The following NFASC variants were observed in gnomAD, a reference collection of about 807,000 sequenced individuals.
NFASC encodes the protein neurofascin, also known as neurofascin homolog.
Under a neutral mutation model 147.5 loss-of-function variants are expected in NFASC, and 43 were observed. The observed-to-expected ratio is 0.29, with a 90% CI of 0.23 to 0.38. The LOEUF (loss-of-function observed/expected upper bound fraction) is 0.38, where lower values mean the gene tolerates loss of function less well. NFASC is among the 10% of genes least tolerant of loss of function. NFASC has a pLI of 1.00. For synonymous variants in NFASC, 622 were observed against 665.5 expected (o/e 0.93, Z 1.01); for missense variants, 1,320 against 1,689.0 (o/e 0.78, Z 3.83).
In NFASC at chr1:204,855,348, G is replaced by A. The variant is rs116390253; in HGVS notation, c.-200+26566G>A. Among the ~76,000 whole-genome samples the A allele has an allele frequency of 8.6e-3, 1,317 of 152,342 alleles. 10 individuals are homozygous for A. The highest frequency in any genetic ancestry group is 0.013 in the Non-Finnish European group (894 of 68,036). ...AGCAATGGGATTGAGAAGGAGAAAG[G>A]CCACTGTTGACTGGAGTCATTGGGG... On this transcript the variant is annotated intron_variant, in intron 1 of 29. Coordinates refer to ENST00000339876, the MANE Select transcript of NFASC (RefSeq NM_001005388.3).
At chr1:204,870,802 G>T (rs978864494) in intron 1 of NFASC, 39 of 1,174,080 alleles carry the variant, frequency 3.3e-5, no homozygotes, top group Non-Finnish European at 4.0e-5. Context: ...TTTATGCCAC[G>T]GAGGGCTGGG....
rs1354982589 is a variant in NFASC at position 204,975,308 on chromosome 1, G to T, written c.1596G>T (p.Val532=). ...TCTACCGGATGCCCGAGGACCAGGT[G>T]GCCAGAAGGGGCACCACGGTGCAGC... ...TRIYRMPEDQ[V]ARRGTTVQLE... is the part of the protein sequence containing the mutation. The change falls in exon 15 of 30, where the codon GTG becomes GTT. Residue 532 remains valine, a synonymous_variant. Transcript: ENST00000339876. This position sits in a 1 kb window ranked among gnomAD's most constrained non-coding sequence, Gnocchi z 4.0. The T allele has an allele frequency of 8.7e-6, 14 of 1,613,834 alleles. No homozygotes were observed. The highest frequency in any genetic ancestry group is 1.2e-5 in the Non-Finnish European group (14 of 1,179,862).
At chr1:204,990,574 A>AAG (rs1553311352) in intron 23 of NFASC, 8 of 150,902 alleles carry the variant, frequency 5.3e-5, no homozygotes, top group Non-Finnish European at 7.4e-5. Context: ...AAAAAAAAAA[A>AAG]AAAAAGAAAA....
intron 1 of NFASC, among the ~76,000 whole-genome samples, chr1:204,851,704 A>T (rs1572039722): frequency 6.6e-6 from 1 of 152,190 alleles, no homozygotes; most frequent in East Asian, 1.9e-4. Flanking sequence ...ATGGGGAAAA[A>T]GTTGAAATTT....
At chr1:204,851,747 T>C (rs1271317500) in intron 1 of NFASC, among the ~76,000 whole-genome samples, 1 of 152,238 alleles carries the variant, frequency 6.6e-6, no homozygotes, top group Non-Finnish European at 1.5e-5. Context: ...ACATTAAATA[T>C]TGTGTTAAAA....
chr1:204,834,766 CAG>C (rs1486310956), intron 1 of NFASC, among the ~76,000 whole-genome samples: 4 of 152,152 alleles, frequency 2.6e-5, no homozygotes, highest in Admixed American at 6.5e-5. Context: ...ATCAGCCACT[CAG>C]GGGTTGGAAA....
intron 2 of NFASC, among the ~76,000 whole-genome samples, chr1:204,922,306 T>A (rs2090654123): frequency 6.6e-6 from 1 of 152,174 alleles, no homozygotes; most frequent in Non-Finnish European, 1.5e-5. Context: ...GGCTGGCTTC[T>A]CTGATGACAG....
chr1:205,011,750 T>C (rs917721955), intron 28 of NFASC, among the ~76,000 whole-genome samples: 1 of 152,160 alleles, frequency 6.6e-6, no homozygotes, highest in African/African-American at 2.4e-5. Context: ...GTTTCCCTCA[T>C]CTAAAATGGG....
At position 205,002,680 on chromosome 1, in the gene NFASC, C is replaced by T. The variant is rs750684150; in HGVS notation, c.3221C>T (p.Thr1074Met). 18 of 1,587,366 alleles carry T rather than the reference C, an allele frequency of 1.1e-5. No homozygotes were observed. The highest frequency in any genetic ancestry group is 8.4e-5 in the Admixed American group (5 of 59,644). ...GACCTCTATCCCGGGATGACATACA[C>T]GTTGCGGGTTTATTCCCGGGACAAC... ...LTDLYPGMTY[T>M]LRVYSRDNEG... The change falls in exon 27 of 30, where the codon ACG becomes ATG. Residue 1074 changes from threonine (T) to methionine (M), a missense_variant. By Grantham distance (81) the Thr-to-Met change is moderately conservative (BLOSUM62 -1). This residue lies in a region of NFASC where 167 missense variants were observed against 233.8 expected (regional missense o/e 0.71). Transcript: ENST00000339876.
chr1:204,977,188 T>C, intron 16 of NFASC: 3 of 944,570 alleles, frequency 3.2e-6, no homozygotes, highest in Non-Finnish European at 3.9e-6. Flanking sequence ...TCTGCCAGCC[T>C]TCCTTTCCCT....
intron 24 of NFASC, among the ~76,000 whole-genome samples, chr1:204,995,946 G>GC (rs1322037088): frequency 6.6e-6 from 1 of 152,092 alleles, no homozygotes; most frequent in Non-Finnish European, 1.5e-5. Flanking sequence ...CCTGCCTACT[G>GC]CCCCATTAGC....
chr1:204,946,187 G>A, intron 3 of NFASC: 2 of 401,678 alleles, frequency 5.0e-6, no homozygotes, highest in East Asian at 7.4e-5. Context: ...TCAAGCCTTT[G>A]CTAGCTTAGA....
chr1:204,971,696 G>T (rs115071640), intron 11 of NFASC, among the ~76,000 whole-genome samples: 7 of 152,244 alleles, frequency 4.6e-5, no homozygotes, highest in African/African-American at 7.2e-5. Flanking sequence ...GCCCAAAATC[G>T]CATGGCTAGG....
chr1:204,951,500 G>A lies in NFASC; in HGVS notation c.110-511G>A, dbSNP rs375266885. 3.5e-4 allele frequency among the ~76,000 whole-genome samples: 48 copies of A among 136,914 alleles called. 1 individual carries two copies. The South Asian group carries it at 0.011, about 32-fold the overall frequency. The allele number at this position is 136,914 out of a possible 152,430, so 89.8% of individuals were successfully genotyped here. On this transcript the variant is annotated intron_variant, in intron 4 of 29. Coordinates refer to ENST00000339876, the MANE Select transcript of NFASC (RefSeq NM_001005388.3). ...TTTTTTTTTTTTAAAACAGAATATC[G>A]CTCTGTCGCCCAGGCTGGAGTGCGG...
At chr1:205,005,022 T>TA (rs1478347392) in intron 27 of NFASC, among the ~76,000 whole-genome samples, 27 of 152,130 alleles carry the variant, frequency 1.8e-4, no homozygotes, top group African/African-American at 6.5e-4. Flanking sequence ...GGTGGAAGCT[T>TA]AGAGTGGGCC....
At chr1:204,956,116 C>T (rs1047067580) in intron 7 of NFASC, among the ~76,000 whole-genome samples, 2 of 152,218 alleles carry the variant, frequency 1.3e-5, no homozygotes, top group Admixed American at 1.3e-4. Flanking sequence ...AGATCTTAGA[C>T]CCTTGTCTTC....
chr1:204,891,892 C>T (rs2082472626), intron 1 of NFASC, among the ~76,000 whole-genome samples: 1 of 152,208 alleles, frequency 6.6e-6, no homozygotes, highest in Admixed American at 6.5e-5. Flanking sequence ...GCAGCCAAAA[C>T]TTACGGCCAA....
At position 204,997,099 on chromosome 1, in the gene NFASC, G is replaced by A. The variant is rs535754803; in HGVS notation, c.2783-71G>A. 21 of 1,556,020 alleles carry A rather than the reference G, an allele frequency of 1.3e-5. 1 individual carries two copies. The highest frequency in any genetic ancestry group is 1.8e-4 in the Middle Eastern group (1 of 5,588). On this transcript the variant is annotated intron_variant, in intron 24 of 29. Coordinates refer to ENST00000339876, the MANE Select transcript of NFASC (RefSeq NM_001005388.3). ...CCTCACCGGGCTGCCTGCCTTGCAC[G>A]CGGGGGCCGTGTGTCCAGGCTGGGC...
At chr1:204,866,047 A>G (rs1220039260) in intron 1 of NFASC, among the ~76,000 whole-genome samples, 2 of 152,204 alleles carry the variant, frequency 1.3e-5, no homozygotes, top group African/African-American at 4.8e-5. Flanking sequence ...AAACATTGCT[A>G]TCTCCTTCAA....
Sources: gnomAD v4.1 joint callset for allele counts (sites outside exome capture counted in the v4.1 genomes callset) on GRCh38, gnomAD v4.1.1 for gene constraint, gnomAD v4.1.1 regional missense constraint, Gnocchi (gnomAD v3.1) non-coding constraint, MANE v1.5 for transcripts, NCBI Gene and HGNC (gene_info 2026-07-23, HGNC 2026-07-21) for gene names.